Variants in SEC24A observed in about 807,000 individuals in gnomAD.
The protein encoded by SEC24A is protein transport protein Sec24A.
SEC24A carries 93 observed loss-of-function variants against 129.4 expected under a neutral mutation model. The observed-to-expected ratio is 0.72, with a 90% CI of 0.61 to 0.85. The LOEUF is 0.85. Ranked by LOEUF, SEC24A falls within the 40% of genes least tolerant of loss-of-function variation. The probability of loss-of-function intolerance (pLI) is 0.00; values close to 1 mark genes in which losing one functional copy is unlikely to be tolerated. For synonymous variants in SEC24A, 460 were observed against 467.3 expected (o/e 0.98, Z 0.20); for missense variants, 1,264 against 1,307.4 (o/e 0.97, Z 0.51).
intron 18 of SEC24A, among the ~76,000 whole-genome samples, chr5:134,710,326 C>A (rs192440784): frequency 6.6e-6 from 1 of 151,444 alleles, no homozygotes; most frequent in African/African-American, 2.4e-5. Context: ...CCTCCTCCTG[C>A]GTTCAGGCAA....
chr5:134,710,141 C>T (rs746930392), intron 18 of SEC24A, among the ~76,000 whole-genome samples: 1 of 151,826 alleles, frequency 6.6e-6, no homozygotes, highest in Non-Finnish European at 1.5e-5. Flanking sequence ...TCGGGTGATT[C>T]GCCCGCCTTG....
intron 9 of SEC24A, 21 bp downstream of exon 9, chr5:134,682,503 A>G: frequency 1.6e-6 from 2 of 1,216,468 alleles, no homozygotes; most frequent in Admixed American, 1.8e-5. Context: ...ATTTTTTGAT[A>G]CAGTATACCC....
chr5:134,693,332 A>G, intron 12 of SEC24A: 1 of 1,379,840 alleles, frequency 7.2e-7, no homozygotes, highest in South Asian at 1.7e-5. Flanking sequence ...GTTACTGGAT[A>G]TCTTAGATTT....
rs1016313927 is a variant in SEC24A, at chr5:134,687,574, C to T, written c.1605-607C>T. ...GCATATAGAAGGCCAAATTTCATCACGAGTGGAGTAACTCCTTCACTTTGG... is the reference window on the plus strand; with the variant it reads ...GCATATAGAAGGCCAAATTTCATCATGAGTGGAGTAACTCCTTCACTTTGG... On this transcript the variant is annotated intron_variant, in intron 10 of 22. Coordinates refer to ENST00000398844, the MANE Select transcript of SEC24A (RefSeq NM_021982.3). Among the ~76,000 whole-genome samples the T allele has an allele frequency of 4.6e-5, 7 of 152,158 alleles. No homozygotes were observed. In the South Asian group the frequency reaches 1.4e-3, roughly 31 times the overall value.
intron 2 of SEC24A, among the ~76,000 whole-genome samples, chr5:134,663,899 C>T (rs1750559502): frequency 6.6e-6 from 1 of 152,146 alleles, no homozygotes; most frequent in Non-Finnish European, 1.5e-5. Flanking sequence ...CACCTGAGGG[C>T]AGGAGTTCGA....
intron 9 of SEC24A, among the ~76,000 whole-genome samples, chr5:134,684,160 G>A (rs1359494393): frequency 6.6e-6 from 1 of 150,870 alleles, no homozygotes; most frequent in African/African-American, 2.4e-5. Flanking sequence ...AAAATTAGCC[G>A]GGCCTGGTGG....
chr5:134,689,107 A>T (rs1314640701), intron 11 of SEC24A, among the ~76,000 whole-genome samples: 1 of 152,214 alleles, frequency 6.6e-6, no homozygotes, highest in African/African-American at 2.4e-5. Flanking sequence ...TATACCATGT[A>T]AAGAAAATTA....
chr5:134,661,275 C>T lies in SEC24A; in HGVS notation c.254C>T (p.Thr85Ile). 3.1e-6 allele frequency: 5 copies of T among 1,614,170 alleles called. No individual in the cohort carries two copies. In the South Asian group the frequency reaches 5.5e-5, roughly 18 times the overall value. Residue 85 changes from threonine (T) to isoleucine (I), a missense_variant, in exon 2 of 23, where the codon ACT becomes ATT. Thr to Ile is a moderately conservative substitution (Grantham distance 89). Transcript: ENST00000398844. ...NYGGSQGSGQTLNRPPVASNP... is the reference protein window; with the variant it reads ...NYGGSQGSGQILNRPPVASNP... The stretch of plus-strand genomic sequence containing the variant: ...GGTGGTTCTCAGGGATCTGGGCAGA[C>T]TCTTAATAGACCACCTGTGGCCTCT...
intron 1 of SEC24A, 105 bp from the exon 2 acceptor site, chr5:134,661,014 G>C: frequency 2.4e-6 from 2 of 816,890 alleles, no homozygotes; most frequent in Non-Finnish European, 4.0e-6. Context: ...TTTTAATTGA[G>C]TTATGTGTTT....
At position 134,649,021 on chromosome 5, in the gene SEC24A, G is replaced by T; in HGVS notation, c.-56G>T. ...CTCCGCTTTCAGCAGTGGTCTTTCAGCTCTCTTCTTGTGCGCTGTTGTCGA... is the reference window on the plus strand; with the variant it reads ...CTCCGCTTTCAGCAGTGGTCTTTCATCTCTCTTCTTGTGCGCTGTTGTCGA... On this transcript the variant is annotated 5_prime_UTR_variant, in exon 1 of 23. Coordinates refer to ENST00000398844, the MANE Select transcript of SEC24A (RefSeq NM_021982.3). The T allele has an allele frequency of 7.7e-7, 1 of 1,306,714 alleles. No homozygotes were observed. The highest frequency in any genetic ancestry group is 1.1e-6 in the Non-Finnish European group (1 of 921,670). 80.9% of individuals were successfully genotyped at this position (1,306,714 alleles called of 1,614,324 possible).
At chr5:134,656,273 G>A (rs868357966) in intron 1 of SEC24A, among the ~76,000 whole-genome samples, 4 of 151,978 alleles carry the variant, frequency 2.6e-5, no homozygotes, top group Middle Eastern at 3.4e-3. Flanking sequence ...TAGAAGAGAT[G>A]GGGTTTCACC....
chr5:134,711,127 C>T (rs1304213852), intron 18 of SEC24A, among the ~76,000 whole-genome samples: 1 of 152,022 alleles, frequency 6.6e-6, no homozygotes, highest in East Asian at 1.9e-4. Flanking sequence ...CAAAGCGAGA[C>T]TCCTTCTCTT....
chr5:134,650,516 C>T (rs1750009953), intron 1 of SEC24A, among the ~76,000 whole-genome samples: 1 of 151,690 alleles, frequency 6.6e-6, no homozygotes, highest in African/African-American at 2.4e-5. Context: ...TGATACAGTC[C>T]AACAGACATT....
chr5:134,686,807 T>C lies in SEC24A; in HGVS notation c.1509T>C (p.Pro503=). Residue 503 remains proline (P), a synonymous_variant, in exon 10 of 23, where the codon CCT becomes CCC. Transcript: ENST00000398844. ...TTCTTCAGTTACGACCACCTCAGCC[T>C]CCAGTGTATCTCTTTGTATTTGATG... ...PSEYMLRPPQ[P]PVYLFVFDVS... 1.9e-6 allele frequency: 3 copies of C among 1,601,382 alleles called. No individual in the cohort carries two copies. Among genetic ancestry groups the C allele is most frequent in the Non-Finnish European group, 2.6e-6 (3 of 1,174,596 alleles).
At chr5:134,681,474 GTGTGTT>G (rs1249710702) in intron 8 of SEC24A, among the ~76,000 whole-genome samples, 1 of 151,174 alleles carries the variant, frequency 6.6e-6, no homozygotes, top group Non-Finnish European at 1.5e-5. Flanking sequence ...GTGTGTGTGT[GTGTGTT>G]TTGAGTATAG....
chr5:134,704,646 T>A (rs1273756924), intron 16 of SEC24A, among the ~76,000 whole-genome samples: 1 of 151,748 alleles, frequency 6.6e-6, no homozygotes, highest in African/African-American at 2.4e-5. Context: ...AAAAAAATAT[T>A]TTTTTAATTA....
chr5:134,676,828 A>G (rs903848110), intron 7 of SEC24A, among the ~76,000 whole-genome samples: 1 of 152,132 alleles, frequency 6.6e-6, no homozygotes, highest in African/African-American at 2.4e-5. Context: ...AATTTGTTTG[A>G]TCTGTCTTTA....
chr5:134,711,770 T>C (rs1752332916), intron 18 of SEC24A, among the ~76,000 whole-genome samples: 1 of 147,462 alleles, frequency 6.8e-6, no homozygotes, highest in Admixed American at 6.8e-5. Flanking sequence ...TTTTTTGAGA[T>C]GGAGTCTCGC....
At chr5:134,664,214 A>G (rs895775526) in intron 2 of SEC24A, among the ~76,000 whole-genome samples, 8 of 151,972 alleles carry the variant, frequency 5.3e-5, no homozygotes, top group Admixed American at 4.6e-4. Context: ...TTGAACCTTC[A>G]AAGAACCTTC....
Sources: gnomAD v4.1 joint callset for allele counts (sites outside exome capture counted in the v4.1 genomes callset) on GRCh38, gnomAD v4.1.1 for gene constraint, MANE v1.5 for transcripts, NCBI Gene and HGNC (gene_info 2026-07-23, HGNC 2026-07-21) for gene names.